Variants in HOPX observed in about 807,000 individuals in gnomAD.
HOPX encodes the protein homeodomain-only protein.
A neutral mutation model predicts 11.8 loss-of-function variants in HOPX; 5 were observed. The ratio of observed to expected loss-of-function variants is 0.43; its 90% CI spans 0.22 to 0.89. The LOEUF is 0.89. Among genes scored for constraint, HOPX ranks in the 40% least tolerant of loss-of-function variants. The pLI, the probability that HOPX is intolerant of heterozygous loss-of-function variation, is 0.28. For missense variants in HOPX, 119 were observed against 120.0 expected (o/e 0.99, Z 0.04); for synonymous variants, 49 against 49.7 (o/e 0.99, Z 0.06).
intron 1 of HOPX, chr4:56,679,231 G>C (rs1719188669): frequency 6.6e-6 from 1 of 152,156 alleles, no homozygotes; most frequent in Non-Finnish European, 1.5e-5. Context: ...GACAGAGTGA[G>C]ATCCTATCTC....
intron 1 of HOPX, among the ~76,000 whole-genome samples, chr4:56,660,984 C>T (rs188246518): frequency 4.1e-3 from 620 of 152,202 alleles, no homozygotes; most frequent in African/African-American, 0.014. Context: ...GGCAGGGTCT[C>T]GCTGTCACCC....
intron 1 of HOPX, among the ~76,000 whole-genome samples, chr4:56,675,398 T>C (rs1351714695): frequency 6.6e-6 from 1 of 151,600 alleles, no homozygotes; most frequent in East Asian, 1.9e-4. Flanking sequence ...AGGTATTTTT[T>C]AGAGTAAAAG....
intron 1 of HOPX, among the ~76,000 whole-genome samples, chr4:56,677,855 G>C (rs1200732542): frequency 6.6e-6 from 1 of 151,706 alleles, no homozygotes; most frequent in Non-Finnish European, 1.5e-5. Context: ...CCAGTGCTGG[G>C]AATGCACACA....
chr4:56,658,497 T>C (rs79678357), intron 1 of HOPX, among the ~76,000 whole-genome samples: 4,015 of 152,328 alleles, frequency 0.026, 82 homozygotes, highest in South Asian at 0.11. Context: ...ACCTGATTTC[T>C]AGAAACGAAG....
Position 56,661,797 on chromosome 4 carries a change from G to A in HOPX, c.-83-3898C>T, listed in dbSNP as rs146537470. Among the ~76,000 whole-genome samples the A allele has an allele frequency of 5.4e-3, 825 of 152,308 alleles. 5 individuals carry two copies. The highest frequency in any genetic ancestry group is 0.019 in the African/African-American group (786 of 41,572). ...TGTTGCAGCCCAAAAGGAGAGTTGA[G>A]TTATTTTGTGAGAGTTATGGACTCT... On this transcript the variant is annotated intron_variant, in intron 1 of 3. Transcript: ENST00000420433.
At chr4:56,656,163 C>T (rs117289011) in intron 2 of HOPX, 151 bp from the exon 3 acceptor site, 22,932 of 1,139,990 alleles carry the variant, frequency 0.02, 867 homozygotes, top group South Asian at 0.13. Context: ...GGTGGCTGCA[C>T]GCTGAGCGGG....
intron 1 of HOPX, among the ~76,000 whole-genome samples, chr4:56,675,897 G>C (rs1718990647): frequency 6.6e-6 from 1 of 151,744 alleles, no homozygotes. Flanking sequence ...TAAAAGGGCA[G>C]GTTACTGCTT....
chr4:56,658,719 C>G (rs753724517), intron 1 of HOPX, among the ~76,000 whole-genome samples: 1 of 152,146 alleles, frequency 6.6e-6, no homozygotes, highest in Non-Finnish European at 1.5e-5. Context: ...TGAAGATAGT[C>G]TAAACAATTT....
In HOPX at chr4:56,666,908, T is replaced by C; in HGVS notation, c.-83-9009A>G. On this transcript the variant is annotated intron_variant, in intron 1 of 3. Coordinates refer to ENST00000420433, the MANE Select transcript of HOPX (RefSeq NM_032495.6). ...TAGATACTAAACTGCTATATATCTG[T>C]AATGGAAAAAAGTATAAAATAATCC... 2.0e-5 allele frequency among the ~76,000 whole-genome samples: 3 copies of C among 152,336 alleles called. No homozygotes were observed. In the South Asian group the frequency reaches 6.2e-4, roughly 32 times the overall value.
At chr4:56,671,767 T>A (rs1718747493) in intron 1 of HOPX, among the ~76,000 whole-genome samples, 1 of 152,122 alleles carries the variant, frequency 6.6e-6, no homozygotes, top group South Asian at 2.1e-4. Flanking sequence ...ATCACTTTTC[T>A]GAGCATCAGC....
chr4:56,668,907 C>T (rs910046973), intron 1 of HOPX, among the ~76,000 whole-genome samples: 1 of 152,174 alleles, frequency 6.6e-6, no homozygotes, highest in Non-Finnish European at 1.5e-5. Context: ...TATTTAAAAC[C>T]TAGTTCTCTT....
chr4:56,655,967 C>T lies in HOPX; in HGVS notation c.88G>A (p.Asp30Asn), dbSNP rs373175355. The T allele has an allele frequency of 6.2e-7, 1 of 1,610,706 alleles. No individual in the cohort carries two copies. The highest frequency in any genetic ancestry group is 1.1e-5 in the South Asian group (1 of 90,154). Residue 30 changes from aspartate to asparagine, a missense_variant, in exon 3 of 4, where the codon GAC becomes AAC. Coordinates refer to ENST00000420433, the MANE Select transcript of HOPX (RefSeq NM_032495.6). The part of the protein sequence containing the change: ...SAETASGPTE[D>N]QVEILEYNFN... ...TTGTACTCCAGGATTTCCACCTGGT[C>T]CTCTGTGGGGCCGCTCGCGGTCTCC...
intron 1 of HOPX, among the ~76,000 whole-genome samples, chr4:56,671,349 T>G (rs945761663): frequency 1.3e-5 from 2 of 152,078 alleles, no homozygotes; most frequent in East Asian, 3.9e-4. Context: ...CAGACAGAAC[T>G]TCCTCAGGTT....
chr4:56,677,507 A>C (rs537497605), intron 1 of HOPX, among the ~76,000 whole-genome samples: 20 of 151,836 alleles, frequency 1.3e-4, no homozygotes, highest in Non-Finnish European at 2.4e-4. Context: ...ATAATTCATT[A>C]AACGATTATT....
At chr4:56,662,016 T>C (rs1718164315) in intron 1 of HOPX, among the ~76,000 whole-genome samples, 2 of 151,998 alleles carry the variant, frequency 1.3e-5, no homozygotes, top group Non-Finnish European at 2.9e-5. Flanking sequence ...TATTGGTCCC[T>C]CCCACAAAAG....
At chr4:56,667,881 C>T (rs548229542) in intron 1 of HOPX, among the ~76,000 whole-genome samples, 20 of 152,276 alleles carry the variant, frequency 1.3e-4, no homozygotes, top group African/African-American at 4.8e-4. Flanking sequence ...ACCCGATATC[C>T]AGGTTTGCCT....
intron 3 of HOPX, chr4:56,650,811 C>T (rs1717100567): frequency 1.3e-6 from 2 of 1,545,214 alleles, no homozygotes; most frequent in South Asian, 1.2e-5. Context: ...CAAATCACTA[C>T]CCTTCATGAG....
At chr4:56,656,502 C>T in intron 2 of HOPX, 1 of 985,556 alleles carries the variant, frequency 1.0e-6, no homozygotes, top group Middle Eastern at 5.2e-4. Flanking sequence ...CCGGCCTCCC[C>T]GGTAGGCGGC....
intron 1 of HOPX, chr4:56,672,581 T>C (rs952983584): frequency 2.0e-5 from 3 of 151,802 alleles, no homozygotes; most frequent in South Asian, 2.1e-4. Flanking sequence ...AAGATGACAT[T>C]GAATGCAACC....
Sources: gnomAD v4.1 joint callset for allele counts (sites outside exome capture counted in the v4.1 genomes callset) on GRCh38, gnomAD v4.1.1 for gene constraint, MANE v1.5 for transcripts, NCBI Gene and HGNC (gene_info 2026-07-23, HGNC 2026-07-21) for gene names.